The following OTUD7A variants were observed in gnomAD, a reference collection of about 807,000 sequenced individuals.
OTUD7A encodes OTU deubiquitinase 7A.
In OTUD7A, 12 loss-of-function variants were observed where a neutral mutation model predicts 65.7. That is an observed-to-expected ratio of 0.18 (90% CI 0.12 to 0.30). The LOEUF (loss-of-function observed/expected upper bound fraction) is 0.30, where lower values mean the gene tolerates loss of function less well. OTUD7A is among the 10% of genes least tolerant of loss of function. The probability of loss-of-function intolerance (pLI) is 1.00; values close to 1 mark genes in which losing one functional copy is unlikely to be tolerated. For missense variants in OTUD7A, 1,148 were observed against 1,304.8 expected (o/e 0.88, Z 1.85); for synonymous variants, 641 against 586.3 (o/e 1.09, Z -1.35).
At chr15:31,717,347 C>T (rs1201260162) in intron 1 of OTUD7A, among the ~76,000 whole-genome samples, 10 of 152,106 alleles carry the variant, frequency 6.6e-5, no homozygotes, top group African/African-American at 2.2e-4. Context: ...CTCATCAACC[C>T]GTCACCTACA....
chr15:31,766,419 C>T (rs895030963), intron 1 of OTUD7A: 2 of 1,582,332 alleles, frequency 1.3e-6, no homozygotes, highest in South Asian at 2.2e-5. Context: ...TTGCAGCAAA[C>T]TTTGTGTGCC....
At chr15:31,507,503 T>G (rs952951523) in intron 8 of OTUD7A, among the ~76,000 whole-genome samples, 1 of 152,158 alleles carries the variant, frequency 6.6e-6, no homozygotes, top group Non-Finnish European at 1.5e-5. Flanking sequence ...AAGAATGAAG[T>G]CGCGTGTTAC....
chr15:31,841,103 A>G (rs1223555684), intron 1 of OTUD7A, among the ~76,000 whole-genome samples: 2 of 152,134 alleles, frequency 1.3e-5, no homozygotes, highest in African/African-American at 4.8e-5. Context: ...ACCACCTCCA[A>G]TACATCTGCT....
At chr15:31,592,904 A>AAAAATATATAT (rs1416029921) in intron 3 of OTUD7A, among the ~76,000 whole-genome samples, 4 of 59,384 alleles carry the variant, frequency 6.7e-5, no homozygotes, top group East Asian at 6.1e-4. Flanking sequence ...AAAAAAAAAA[A>AAAAATATATAT]ATATATATAT....
chr15:31,630,686 G>C (rs1891117868), intron 3 of OTUD7A, among the ~76,000 whole-genome samples: 1 of 152,126 alleles, frequency 6.6e-6, no homozygotes, highest in Non-Finnish European at 1.5e-5. Flanking sequence ...TGACAGTGGG[G>C]TGTTAAAGTC....
intron 5 of OTUD7A, among the ~76,000 whole-genome samples, chr15:31,532,448 T>C (rs888174736): frequency 4.0e-5 from 6 of 150,950 alleles, no homozygotes; most frequent in South Asian, 2.1e-4. Flanking sequence ...GAAAAGCAGA[T>C]TGGAGAGAAG....
intron 5 of OTUD7A, among the ~76,000 whole-genome samples, chr15:31,535,560 C>T (rs1246650878): frequency 6.6e-6 from 1 of 152,022 alleles, no homozygotes; most frequent in Non-Finnish European, 1.5e-5. Flanking sequence ...AAACATAAGA[C>T]TCATATAAGA....
intron 1 of OTUD7A, among the ~76,000 whole-genome samples, chr15:31,697,782 C>A (rs570131159): frequency 2.2e-4 from 33 of 152,244 alleles, no homozygotes; most frequent in African/African-American, 7.7e-4. Flanking sequence ...CAGGGTCACA[C>A]AACCAGTCAC....
chr15:31,673,931 A>C (rs1466083556), intron 1 of OTUD7A, among the ~76,000 whole-genome samples: 1 of 152,190 alleles, frequency 6.6e-6, no homozygotes, highest in Non-Finnish European at 1.5e-5. Flanking sequence ...ACATCACCAC[A>C]AGCTGGAATA....
intron 3 of OTUD7A, among the ~76,000 whole-genome samples, chr15:31,578,361 C>T (rs941547309): frequency 6.6e-6 from 1 of 152,220 alleles, no homozygotes; most frequent in African/African-American, 2.4e-5. Flanking sequence ...AATCTATTCT[C>T]TCTGAAGCCT....
At chr15:31,767,149 G>T in intron 1 of OTUD7A, 1 of 1,393,710 alleles carries the variant, frequency 7.2e-7, no homozygotes, top group South Asian at 1.2e-5. Context: ...AGACTGAGAA[G>T]GCGGCACTCA....
At chr15:31,761,621 T>C (rs2140904026) in intron 1 of OTUD7A, among the ~76,000 whole-genome samples, 1 of 152,276 alleles carries the variant, frequency 6.6e-6, no homozygotes, top group South Asian at 2.1e-4. Flanking sequence ...CAGCAGTTAC[T>C]CAAAAGTTAA....
At position 31,738,680 on chromosome 15, in the gene OTUD7A, G is replaced by A. The variant is rs376328561; in HGVS notation, c.-99-81603C>T. 1.9e-4 allele frequency among the ~76,000 whole-genome samples: 29 copies of A among 152,250 alleles called. 2 individuals are homozygous for A. The highest frequency in any genetic ancestry group is 9.8e-4 in the Admixed American group (15 of 15,286). On this transcript the variant is annotated intron_variant, in intron 1 of 12. Coordinates refer to ENST00000307050, the MANE Select transcript of OTUD7A (RefSeq NM_001382637.1). ...ACGCTGCTCCTCTGCAGCTCTCTCC[G>A]CAAGTGCAGCCTGTTGACTCCTGAA...
rs977147209 is a variant in OTUD7A at position 31,856,858 on chromosome 15, C to T, written c.-100+13649G>A. ...TTCTGGCTCTGAGCTCTTTCGCAGC[C>T]GGGAGCATCACAGAAGTTGGTGGAG... On this transcript the variant is annotated intron_variant, in intron 1 of 12. Transcript: ENST00000307050. 6.6e-5 allele frequency among the ~76,000 whole-genome samples: 10 copies of T among 152,320 alleles called. 1 individual carries two copies. The highest frequency in any genetic ancestry group is 1.2e-4 in the Non-Finnish European group (8 of 68,016).
rs1157678050 is a variant in OTUD7A, at chr15:31,476,262, G to A, written c.*7032C>T. 1 of 152,302 alleles carries A rather than the reference G, an allele frequency of 6.6e-6. No homozygotes were observed. Among genetic ancestry groups the A allele is most frequent in the Non-Finnish European group, 1.5e-5 (1 of 68,072 alleles). The allele number at this position is 152,302 out of a possible 1,614,324, so 9.4% of individuals were successfully genotyped here. A position where few individuals can be genotyped will look rare whatever the true frequency, so the allele number is the denominator to read the frequency against. On this transcript the variant is annotated 3_prime_UTR_variant, in exon 13 of 13. Transcript: ENST00000307050. Reference sequence around the variant, plus strand: ...GCTTGCCTCTGTGTGTACAGGGGCTGGAGGCCACAGCTGATCTCCAACACA... The same window carrying A: ...GCTTGCCTCTGTGTGTACAGGGGCTAGAGGCCACAGCTGATCTCCAACACA...
intron 1 of OTUD7A, among the ~76,000 whole-genome samples, chr15:31,834,297 A>G (rs1897003571): frequency 6.6e-6 from 1 of 152,258 alleles, no homozygotes; most frequent in South Asian, 2.1e-4. Context: ...GGAACAGAAC[A>G]GGAAGCTCCA....
chr15:31,534,556 A>G (rs575755038), intron 5 of OTUD7A, among the ~76,000 whole-genome samples: 4 of 152,236 alleles, frequency 2.6e-5, no homozygotes, highest in Non-Finnish European at 4.4e-5. Context: ...AGCCAGTGAA[A>G]TAAGTCAAGA....
intron 1 of OTUD7A, among the ~76,000 whole-genome samples, chr15:31,692,922 A>T (rs1207221793): frequency 4.7e-5 from 7 of 149,948 alleles, no homozygotes; most frequent in Non-Finnish European, 8.8e-5. Flanking sequence ...ACCCTCACAC[A>T]CTTGCACTGG....
chr15:31,766,500 T>C (rs1288153068), intron 1 of OTUD7A: 9 of 1,608,732 alleles, frequency 5.6e-6, no homozygotes, highest in African/African-American at 4.0e-5. Context: ...GAGTCTTTTA[T>C]TGATTGTGGC....
Sources: allele counts gnomAD v4.1 joint callset (sites outside exome capture counted in the v4.1 genomes callset), GRCh38; gene constraint gnomAD v4.1.1; transcripts MANE v1.5; gene names NCBI Gene and HGNC (gene_info 2026-07-23, HGNC 2026-07-21).